Variants in TDRD9 observed in about 807,000 individuals in gnomAD.
TDRD9 encodes ATP-dependent RNA helicase TDRD9.
A neutral mutation model predicts 172.6 loss-of-function variants in TDRD9; 124 were observed. That is an observed-to-expected ratio of 0.72 (90% CI 0.62 to 0.83). The LOEUF is 0.83. TDRD9 is among the 40% of genes least tolerant of loss of function. The probability of loss-of-function intolerance (pLI) is 0.00; values close to 1 mark genes in which losing one functional copy is unlikely to be tolerated. For synonymous variants in TDRD9, 619 were observed against 617.1 expected, an observed-to-expected ratio of 1.00 and a Z score of -0.05; for missense variants, 1,479 against 1,714.1, an observed-to-expected ratio of 0.86 and a Z score of 2.42.
chr14:103,948,824 T>C (rs1034258234), intron 1 of TDRD9, among the ~76,000 whole-genome samples: 2 of 147,258 alleles, frequency 1.4e-5, no homozygotes, highest in Admixed American at 1.4e-4. Context: ...TGAGCTATAA[T>C]TGCACCACTG....
At chr14:103,959,830 C>T (rs1160207589) in intron 2 of TDRD9, among the ~76,000 whole-genome samples, 1 of 152,060 alleles carries the variant, frequency 6.6e-6, no homozygotes, top group Non-Finnish European at 1.5e-5. Context: ...GAAATCTTTC[C>T]TTACAGTGTG....
intron 1 of TDRD9, among the ~76,000 whole-genome samples, chr14:103,944,300 G>A (rs1031472562): frequency 6.6e-6 from 1 of 152,046 alleles, no homozygotes; most frequent in Non-Finnish European, 1.5e-5. Flanking sequence ...CGCTTGCCAT[G>A]CTTACTTCTG....
chr14:103,940,605 C>T, intron 1 of TDRD9: 1 of 440,924 alleles, frequency 2.3e-6, no homozygotes. Flanking sequence ...ACTTAGGAAA[C>T]ATTTTAGTTA....
intron 20 of TDRD9, chr14:104,013,589 T>C (rs1030922922): frequency 2.4e-4 from 37 of 152,346 alleles, no homozygotes; most frequent in African/African-American, 7.5e-4. Flanking sequence ...CTAAGTGTTA[T>C]ATTGTTCATC....
At chr14:103,941,779 A>G (rs2031252260) in intron 1 of TDRD9, 4 of 1,143,640 alleles carry the variant, frequency 3.5e-6, no homozygotes, top group Non-Finnish European at 4.8e-6. Flanking sequence ...CTTTACAATA[A>G]ATTTGCCCGA....
rs1019893994 is a variant in TDRD9 at position 104,032,017 on chromosome 14, G to A, written c.3439G>A (p.Ala1147Thr). The A allele has an allele frequency of 6.5e-7, 1 of 1,545,258 alleles. No homozygotes were observed. The highest frequency in any genetic ancestry group is 1.4e-5 in the African/African-American group (1 of 72,708). ...TNKLGTPNCK[A>T]ELHGPFNPYE... ...CACTTCCTATATTTTGTGCACGCAG[G>A]CAGAACTTCACGGGCCTTTTAACCC... Residue 1147 changes from alanine (A) to threonine (T), a missense_variant and splice_region_variant, in exon 30 of 36, where the codon GCA becomes ACA. Coordinates refer to ENST00000409874, the MANE Select transcript of TDRD9 (RefSeq NM_153046.3).
chr14:103,928,609 G>T lies in TDRD9; in HGVS notation c.100G>T (p.Ala34Ser), dbSNP rs2030133165. The stretch of plus-strand genomic sequence containing the variant: ...GCTGGGCGCGCCGCCCGCCTTCCCG[G>T]CAGGGGCGGCCAGGGAGGAGGTGCA... ...ELLGAPPAFP[A>S]GAAREEVQRQ... is the part of the protein sequence containing the mutation. The change falls in exon 1 of 36, where the codon GCA (alanine) becomes TCA (serine). Residue 34 changes from alanine (A) to serine (S), a missense_variant. Physicochemically the swap from Ala to Ser is moderately conservative, Grantham distance 99 (BLOSUM62 1). Around this residue, in one of 3 missense-constraint regions of TDRD9, gnomAD observed 3 missense variants for 16.6 expected, o/e 0.18. Transcript: ENST00000409874. The T allele has an allele frequency of 1.4e-5, 18 of 1,332,644 alleles. No individual in the cohort carries two copies. In the East Asian group the frequency reaches 5.3e-4, roughly 39 times the overall value. 82.6% of individuals were successfully genotyped at this position (1,332,644 alleles called of 1,614,324 possible).
intron 24 of TDRD9, among the ~76,000 whole-genome samples, chr14:104,023,728 G>A (rs1275625948): frequency 3.3e-5 from 5 of 152,238 alleles, no homozygotes; most frequent in Admixed American, 3.3e-4. Flanking sequence ...AACTTAACAG[G>A]AATCTGAGGA....
chr14:104,031,468 GTTTTT>G (rs55696833), intron 29 of TDRD9, among the ~76,000 whole-genome samples: 72 of 105,092 alleles, frequency 6.9e-4, no homozygotes, highest in Non-Finnish European at 8.6e-4. Context: ...GCTTTGACTA[GTTTTT>G]TTTTTTTTTT....
chr14:104,020,901 T>A (rs1482109224), intron 23 of TDRD9, among the ~76,000 whole-genome samples: 1 of 152,140 alleles, frequency 6.6e-6, no homozygotes, highest in Non-Finnish European at 1.5e-5. Context: ...GCTCCATGCC[T>A]GCTCCTCATG....
chr14:103,953,706 G>A (rs903003191), intron 1 of TDRD9, among the ~76,000 whole-genome samples: 1 of 152,180 alleles, frequency 6.6e-6, no homozygotes, highest in Non-Finnish European at 1.5e-5. Context: ...ATGGGAGATG[G>A]CTGGTGTGAA....
At chr14:103,985,489 A>G (rs1447014513) in intron 7 of TDRD9, among the ~76,000 whole-genome samples, 1 of 152,170 alleles carries the variant, frequency 6.6e-6, no homozygotes, top group African/African-American at 2.4e-5. Context: ...TTTCTTTTGT[A>G]AATTGCCCAG....
At position 104,022,240 on chromosome 14, in the gene TDRD9, T is replaced by G; in HGVS notation, c.2516T>G (p.Leu839Arg). Residue 839 changes from leucine to arginine, a missense_variant, in exon 24 of 36, where the codon CTA becomes CGA. Leu to Arg is a moderately radical substitution (Grantham distance 102, BLOSUM62 -2). Around this residue, in one of 3 missense-constraint regions of TDRD9, gnomAD observed 1,413 missense variants for 1,649.1 expected, o/e 0.86. Transcript: ENST00000409874. Reference sequence around the variant, plus strand: ...TATATGGCAATTAAGATGTCTCAACTAAAAGTTTCACTTGAACTCAGCGTT... The same window carrying G: ...TATATGGCAATTAAGATGTCTCAACGAAAAGTTTCACTTGAACTCAGCGTT... Reference protein sequence around the residue: ...AVYMAIKMSQLKVSLELSVHS... With the variant: ...AVYMAIKMSQRKVSLELSVHS... 6.2e-7 allele frequency: 1 copy of G among 1,610,620 alleles called. No individual in the cohort carries two copies. The highest frequency in any genetic ancestry group is 8.5e-7 in the Non-Finnish European group (1 of 1,178,384).
chr14:104,024,749 TACACACACACACACACACACAC>T lies in TDRD9; in HGVS notation c.2718+89_2718+110del, dbSNP rs60394937. 169 of 435,100 alleles carry T rather than the reference TACACACACACACACACACACAC, an allele frequency of 3.9e-4. 1 individual carries two copies. In the East Asian group the frequency reaches 6.2e-3, roughly 16 times the overall value. 27.0% of individuals were successfully genotyped at this position (435,100 alleles called of 1,614,324 possible). A position where few individuals can be genotyped will look rare whatever the true frequency, so the allele number is the denominator to read the frequency against. On this transcript the variant is annotated intron_variant, in intron 25 of 35. Coordinates refer to ENST00000409874, the MANE Select transcript of TDRD9 (RefSeq NM_153046.3). The stretch of plus-strand genomic sequence containing the variant: ...ATCATCATGTTGTATACAGGAAGTT[TACACACACACACACACACACAC>T]ACACACACACACACACACAGAACTT...
intron 1 of TDRD9, among the ~76,000 whole-genome samples, chr14:103,949,434 G>T (rs2031742259): frequency 6.6e-6 from 1 of 152,108 alleles, no homozygotes; most frequent in African/African-American, 2.4e-5. Context: ...TGTTTTTCAG[G>T]GGAGTAAATC....
chr14:103,960,900 C>T (rs1455453797), intron 2 of TDRD9, among the ~76,000 whole-genome samples: 1 of 152,236 alleles, frequency 6.6e-6, no homozygotes, highest in Non-Finnish European at 1.5e-5. Flanking sequence ...GGCTTGAAGT[C>T]TTTTAGCAAA....
Position 103,952,062 on chromosome 14 carries a change from C to G in TDRD9, c.216-3602C>G, listed in dbSNP as rs536572421. On this transcript the variant is annotated intron_variant, in intron 1 of 35. Coordinates refer to ENST00000409874, the MANE Select transcript of TDRD9 (RefSeq NM_153046.3). ...GGATTACCGGCGTGAGCCACCATGC[C>G]CAGCCATAAAAGGAAATATTTTTTA... Among the ~76,000 whole-genome samples, 7 of 147,088 alleles carry G rather than the reference C, an allele frequency of 4.8e-5. No homozygotes were observed. In the South Asian group the frequency reaches 1.3e-3, roughly 27 times the overall value.
At chr14:104,041,402 T>C (rs1241065178) in intron 33 of TDRD9, among the ~76,000 whole-genome samples, 1 of 152,222 alleles carries the variant, frequency 6.6e-6, no homozygotes, top group Non-Finnish European at 1.5e-5. Context: ...TAAAAACTTT[T>C]GTTCCGCAAA....
chr14:103,970,395 C>T, intron 5 of TDRD9, 146 bp from the exon 6 acceptor site: 1 of 625,122 alleles, frequency 1.6e-6, no homozygotes, highest in Non-Finnish European at 2.8e-6. Context: ...TTCCTCTTAA[C>T]CAGGAGTGAT....
Sources: allele counts gnomAD v4.1 joint callset (sites outside exome capture counted in the v4.1 genomes callset), GRCh38; gene constraint gnomAD v4.1.1; regional missense constraint gnomAD v4.1.1; transcripts MANE v1.5; gene names NCBI Gene and HGNC (gene_info 2026-07-23, HGNC 2026-07-21).